Variants in PLEKHG7 observed in about 807,000 individuals in gnomAD.
PLEKHG7 encodes pleckstrin homology domain-containing family G member 7.
A neutral mutation model predicts 85.2 loss-of-function variants in PLEKHG7; 77 were observed. The observed-to-expected ratio is 0.90, with a 90% CI of 0.75 to 1.09. The LOEUF is 1.09. Ranked by LOEUF, PLEKHG7 falls within the 50% of genes least tolerant of loss-of-function variation. The pLI is 0.00. For missense variants in PLEKHG7, 777 were observed against 804.3 expected (o/e 0.97, Z 0.41); for synonymous variants, 301 against 302.4 (o/e 1.00, Z 0.05).
chr12:92,734,635 AC>A (rs1872086917), intron 5 of PLEKHG7, among the ~76,000 whole-genome samples: 1 of 152,154 alleles, frequency 6.6e-6, no homozygotes, highest in African/African-American at 2.4e-5. Flanking sequence ...TGTTCCTTCA[AC>A]TGTAGGAGTC....
At chr12:92,713,108 G>A (rs4567511) in intron 3 of PLEKHG7, among the ~76,000 whole-genome samples, 71,172 of 152,006 alleles carry the variant, frequency 0.47, 17,788 homozygotes, top group East Asian at 0.89. Context: ...CAGCCTGGAC[G>A]GCAGAGCAAG....
rs1319058062 is a variant in PLEKHG7, at chr12:92,732,250, T to C, written c.676T>C (p.Trp226Arg). 5 of 1,231,578 alleles carry C rather than the reference T, an allele frequency of 4.1e-6. No individual in the cohort carries two copies. The highest frequency in any genetic ancestry group is 5.1e-6 in the Non-Finnish European group (5 of 987,472). 76.3% of individuals were successfully genotyped at this position (1,231,578 alleles called of 1,614,324 possible). Residue 226 changes from tryptophan to arginine, a missense_variant, in exon 5 of 17, where the codon TGG becomes CGG. Trp to Arg is a moderately radical substitution (Grantham distance 101). Transcript: ENST00000344636. Reference sequence around the variant, plus strand: ...TCACCCAGAATCCAAAAAGCCAAGATGGCCTTTCTCCAAAAGAGGAGTGGT... The same window carrying C: ...TCACCCAGAATCCAAAAAGCCAAGACGGCCTTTCTCCAAAAGAGGAGTGGT... ...LLNSESKKPR[W>R]PFSKRGVGKD...
intron 13 of PLEKHG7, 93 bp from the exon 14 acceptor site, chr12:92,761,659 A>AAAGAAAGAAAG (rs1873027851): frequency 1.5e-6 from 2 of 1,316,750 alleles, no homozygotes; most frequent in African/African-American, 3.2e-5. Context: ...AGAAAGAAAG[A>AAAGAAAGAAAG]AAGAAAGAAA....
chr12:92,720,471 G>T (rs955147985), intron 3 of PLEKHG7, among the ~76,000 whole-genome samples: 13 of 151,888 alleles, frequency 8.6e-5, no homozygotes, highest in African/African-American at 3.1e-4. Flanking sequence ...GACTACAGGC[G>T]TGCGCCACCA....
intron 1 of PLEKHG7, among the ~76,000 whole-genome samples, chr12:92,705,612 C>T (rs1044928844): frequency 7.9e-5 from 12 of 152,264 alleles, no homozygotes; most frequent in Non-Finnish European, 4.4e-5. Flanking sequence ...ACCTCCCATG[C>T]CATCTGCGGC....
chr12:92,756,023 C>G, intron 12 of PLEKHG7, 83 bp downstream of exon 12: 1 of 903,260 alleles, frequency 1.1e-6, no homozygotes, highest in Admixed American at 2.3e-5. Context: ...CTTAGATGTC[C>G]CCATCTGTCC....
intron 11 of PLEKHG7, among the ~76,000 whole-genome samples, chr12:92,755,374 C>A (rs1872798001): frequency 6.6e-6 from 1 of 152,102 alleles, no homozygotes; most frequent in Non-Finnish European, 1.5e-5. Flanking sequence ...GAATATAAAC[C>A]TTCCAAAGAG....
At chr12:92,757,420 G>A (rs1872864855) in intron 13 of PLEKHG7, among the ~76,000 whole-genome samples, 2 of 152,156 alleles carry the variant, frequency 1.3e-5, no homozygotes, top group African/African-American at 4.8e-5. Flanking sequence ...TAACAGTGGT[G>A]ATGTGATATC....
intron 9 of PLEKHG7, among the ~76,000 whole-genome samples, chr12:92,745,235 G>A (rs1872497462): frequency 6.6e-6 from 1 of 152,158 alleles, no homozygotes; most frequent in African/African-American, 2.4e-5. Flanking sequence ...TAAGTATAGG[G>A]AGAAAAAGAC....
chr12:92,706,684 C>A lies in PLEKHG7; in HGVS notation c.53C>A (p.Ala18Asp), dbSNP rs778269951. Residue 18 changes from alanine to aspartate, a missense_variant, in exon 2 of 17, where the codon GCC (alanine) becomes GAC (aspartate). Around this residue, in one of 3 missense-constraint regions of PLEKHG7, gnomAD observed 252 missense variants for 241.9 expected, o/e 1.04. Coordinates refer to ENST00000344636, the MANE Select transcript of PLEKHG7 (RefSeq NM_001377329.1). ...CPEVPPQDCGASPRPSLRSLP... is the reference protein window; with the variant it reads ...CPEVPPQDCGDSPRPSLRSLP... ...GAGGTGCCACCCCAAGACTGTGGAGCCTCTCCTCGGCCCTCGCTGAGGAGC... is the reference window on the plus strand; with the variant it reads ...GAGGTGCCACCCCAAGACTGTGGAGACTCTCCTCGGCCCTCGCTGAGGAGC... 30 of 1,614,052 alleles carry A rather than the reference C, an allele frequency of 1.9e-5. No individual in the cohort carries two copies. Among genetic ancestry groups the A allele is most frequent in the Non-Finnish European group, 2.4e-5 (28 of 1,180,024 alleles).
chr12:92,740,819 A>T (rs1356926826), intron 7 of PLEKHG7, 34 bp from the exon 8 acceptor site: 1 of 1,444,454 alleles, frequency 6.9e-7, no homozygotes, highest in Non-Finnish European at 9.6e-7. Flanking sequence ...ATTAAAAAAC[A>T]GAAATTAATG....
intron 1 of PLEKHG7, among the ~76,000 whole-genome samples, chr12:92,704,687 T>C (rs894707449): frequency 1.3e-5 from 2 of 152,242 alleles, no homozygotes; most frequent in Non-Finnish European, 2.9e-5. Context: ...GCATCTAAGT[T>C]GTTCCTCAAA....
chr12:92,721,336 TG>T, intron 3 of PLEKHG7: 1 of 624,188 alleles, frequency 1.6e-6, no homozygotes, highest in Non-Finnish European at 2.3e-6. Flanking sequence ...TGCTCAGCAG[TG>T]GGGTTGGGGG....
chr12:92,763,607 G>A (rs894317243), intron 14 of PLEKHG7, among the ~76,000 whole-genome samples: 1 of 152,008 alleles, frequency 6.6e-6, no homozygotes, highest in African/African-American at 2.4e-5. Context: ...TTGAGCCCAG[G>A]GGTTCAATAC....
At chr12:92,749,853 A>ATATTT (rs1288444384) in intron 10 of PLEKHG7, 138 of 148,646 alleles carry the variant, frequency 9.3e-4, no homozygotes, top group East Asian at 4.7e-3. Flanking sequence ...ATTTATTAGG[A>ATATTT]TATTTTATTT....
Position 92,737,395 on chromosome 12 carries a change from A to C in PLEKHG7, c.813A>C (p.Glu271Asp). The stretch of plus-strand genomic sequence containing the variant: ...ATGTACAGGATAAGACCTGGGATGA[A>C]GTCTTGGAAACACATCACAAACTCC... ...FYGLKDKTWD[E>D]VLETHHKLPT... Residue 271 changes from glutamate to aspartate, a missense_variant, in exon 7 of 17, where the codon GAA becomes GAC. Glu to Asp is a conservative substitution (Grantham distance 45, BLOSUM62 2). Around this residue, in one of 3 missense-constraint regions of PLEKHG7, gnomAD observed 520 missense variants for 544.0 expected, o/e 0.96. Coordinates refer to ENST00000344636, the MANE Select transcript of PLEKHG7 (RefSeq NM_001377329.1). The C allele has an allele frequency of 6.5e-7, 1 of 1,527,776 alleles. No homozygotes were observed. Among genetic ancestry groups the C allele is most frequent in the South Asian group, 1.4e-5 (1 of 73,852 alleles). 94.6% of individuals were successfully genotyped at this position (1,527,776 alleles called of 1,614,324 possible). A position where few individuals can be genotyped will look rare whatever the true frequency, so the allele number is the denominator to read the frequency against.
intron 10 of PLEKHG7, among the ~76,000 whole-genome samples, chr12:92,749,131 G>T (rs1872616886): frequency 6.6e-6 from 1 of 152,122 alleles, no homozygotes; most frequent in South Asian, 2.1e-4. Context: ...CCTATGCCAT[G>T]TTATGGGCTG....
At chr12:92,717,761 T>G (rs1053259820) in intron 3 of PLEKHG7, among the ~76,000 whole-genome samples, 1 of 152,188 alleles carries the variant, frequency 6.6e-6, no homozygotes, top group Non-Finnish European at 1.5e-5. Context: ...CTACACACCA[T>G]TGAGGTTTGT....
At chr12:92,739,984 A>G (rs182932125) in intron 7 of PLEKHG7, among the ~76,000 whole-genome samples, 2 of 152,164 alleles carry the variant, frequency 1.3e-5, no homozygotes, top group Non-Finnish European at 2.9e-5. Context: ...CCCGTCACAG[A>G]TGAGGGTGGG....
Sources: allele counts gnomAD v4.1 joint callset (sites outside exome capture counted in the v4.1 genomes callset), GRCh38; gene constraint gnomAD v4.1.1; regional missense constraint gnomAD v4.1.1; transcripts MANE v1.5; gene names NCBI Gene and HGNC (gene_info 2026-07-23, HGNC 2026-07-21).